The following PRDM16 variants were observed in gnomAD, a reference collection of about 807,000 sequenced individuals.
The protein encoded by PRDM16 is PR/SET domain 16.
A neutral mutation model predicts 110.6 loss-of-function variants in PRDM16; 23 were observed. The ratio of observed to expected loss-of-function variants is 0.21; its 90% CI spans 0.15 to 0.29. PRDM16 has a LOEUF of 0.29. Among genes scored for constraint, PRDM16 ranks in the 10% least tolerant of loss-of-function variants. PRDM16 has a pLI of 1.00. For missense variants in PRDM16, 1,615 were observed against 1,794.3 expected (o/e 0.90, Z 1.81); for synonymous variants, 799 against 781.8 (o/e 1.02, Z -0.37).
intron 1 of PRDM16, among the ~76,000 whole-genome samples, chr1:3,128,226 A>C (rs2100676837): frequency 6.6e-6 from 1 of 152,278 alleles, no homozygotes; most frequent in Admixed American, 6.5e-5. Flanking sequence ...TCTGAGAGGG[A>C]AACAAAGACC....
Position 3,411,653 on chromosome 1 carries a change from A to G in PRDM16, c.1456A>G (p.Asn486Asp). The G allele has an allele frequency of 6.2e-7, 1 of 1,613,460 alleles. No homozygotes were observed. The highest frequency in any genetic ancestry group is 8.5e-7 in the Non-Finnish European group (1 of 1,179,636). Residue 486 changes from asparagine to aspartate, a missense_variant, in exon 9 of 17, where the codon AAC becomes GAC. Physicochemically the swap from Asn to Asp is conservative, Grantham distance 23. Around this residue, in one of 5 missense-constraint regions of PRDM16, gnomAD observed 772 missense variants for 748.3 expected, o/e 1.03. Transcript: ENST00000270722. ...CCTCAATCACGCCAGCCTGGGCTTC[A>G]ACGAGTACTTTCCCTCCAGGCCGCA... ...PSLNHASLGF[N>D]EYFPSRPHPG...
At chr1:3,272,927 T>C (rs1394035902) in intron 3 of PRDM16, among the ~76,000 whole-genome samples, 1 of 152,200 alleles carries the variant, frequency 6.6e-6, no homozygotes, top group African/African-American at 2.4e-5. Context: ...GCCGGACCAC[T>C]CTGAGTCTCG....
At chr1:3,146,400 G>C (rs1569682293) in intron 1 of PRDM16, among the ~76,000 whole-genome samples, 1 of 152,258 alleles carries the variant, frequency 6.6e-6, no homozygotes, top group East Asian at 1.9e-4. Flanking sequence ...TAAAACCATT[G>C]TGCTGCCTTG....
intron 1 of PRDM16, among the ~76,000 whole-genome samples, chr1:3,094,815 C>A (rs1231162757): frequency 6.6e-6 from 1 of 152,148 alleles, no homozygotes; most frequent in Non-Finnish European, 1.5e-5. Context: ...GGAGGTGGGG[C>A]CTTGTCCCTG....
chr1:3,280,558 A>G (rs1360844853), intron 3 of PRDM16, among the ~76,000 whole-genome samples: 4 of 152,150 alleles, frequency 2.6e-5, no homozygotes, highest in African/African-American at 2.4e-5. Context: ...CAGGCCTTCC[A>G]TCGCCTCCCT....
intron 2 of PRDM16, among the ~76,000 whole-genome samples, chr1:3,233,572 C>T (rs536958093): frequency 1.3e-5 from 2 of 152,320 alleles, no homozygotes; most frequent in African/African-American, 2.4e-5. Context: ...TTCTCCCTGC[C>T]CCTGTGAGTG....
intron 3 of PRDM16, among the ~76,000 whole-genome samples, chr1:3,333,669 T>TC (rs1440477443): frequency 3.9e-5 from 6 of 152,038 alleles, no homozygotes; most frequent in African/African-American, 1.5e-4. Flanking sequence ...TGGATGTGCG[T>TC]CCCCTCCAAA....
At chr1:3,184,709 C>T (rs778229546) in intron 1 of PRDM16, among the ~76,000 whole-genome samples, 2 of 152,202 alleles carry the variant, frequency 1.3e-5, no homozygotes, top group Non-Finnish European at 2.9e-5. Context: ...CTGGGCCTCT[C>T]GCTGTCACCC....
At chr1:3,384,293 G>A (rs1195229586) in intron 3 of PRDM16, among the ~76,000 whole-genome samples, 3 of 152,200 alleles carry the variant, frequency 2.0e-5, no homozygotes, top group African/African-American at 4.8e-5. Context: ...GTCTGGGCTG[G>A]GCTGCCCAGG....
intron 3 of PRDM16, among the ~76,000 whole-genome samples, chr1:3,365,572 G>C (rs984126403): frequency 1.3e-5 from 2 of 152,324 alleles, no homozygotes; most frequent in East Asian, 3.9e-4. Flanking sequence ...GGTGCCCCCA[G>C]AGTCAGCCAA....
At chr1:3,379,145 AGCACAC>A (rs1643050691) in intron 3 of PRDM16, among the ~76,000 whole-genome samples, 1 of 24,436 alleles carries the variant, frequency 4.1e-5, no homozygotes, top group African/African-American at 1.3e-4. Flanking sequence ...CACCCCTCCC[AGCACAC>A]CCCTCCCAGC....
chr1:3,094,252 G>A (rs1642341862), intron 1 of PRDM16, among the ~76,000 whole-genome samples: 1 of 152,242 alleles, frequency 6.6e-6, no homozygotes, highest in African/African-American at 2.4e-5. Flanking sequence ...CAGGCAGCAG[G>A]CACCCGCCAT....
At chr1:3,084,837 C>G (rs982596142) in intron 1 of PRDM16, among the ~76,000 whole-genome samples, 2 of 152,142 alleles carry the variant, frequency 1.3e-5, no homozygotes, top group Non-Finnish European at 1.5e-5. Context: ...GGGGGGCAGG[C>G]CAGGGAAGTG....
At position 3,402,954 on chromosome 1, in the gene PRDM16, C is replaced by T. The variant is rs369007926; in HGVS notation, c.840C>T (p.Ala280=). 7 of 1,612,388 alleles carry T rather than the reference C, an allele frequency of 4.3e-6. No individual in the cohort carries two copies. The African/African-American group carries it at 9.4e-5, about 22-fold the overall frequency. The change falls in exon 6 of 17, where the codon GCC becomes GCT. Residue 280 remains alanine, a synonymous_variant. Transcript: ENST00000270722. ...GCCTTGGCGGTGGCAGCGGCCAAGCCCACGAGTGCAAGGACTGCGAGCGGA... is the reference window on the plus strand; with the variant it reads ...GCCTTGGCGGTGGCAGCGGCCAAGCTCACGAGTGCAAGGACTGCGAGCGGA... ...PEGLGGGSGQ[A]HECKDCERMF...
At position 3,175,572 on chromosome 1, in the gene PRDM16, T is replaced by C. The variant is rs61759168; in HGVS notation, c.38-10553T>C. ...CTACACAGCACTCCTCCCTGCTTGGTTCTGAGAAGGAAAAGAGGAGCCAGA... is the reference window on the plus strand; with the variant it reads ...CTACACAGCACTCCTCCCTGCTTGGCTCTGAGAAGGAAAAGAGGAGCCAGA... On this transcript the variant is annotated intron_variant, in intron 1 of 16. Transcript: ENST00000270722. This position sits in a 1 kb window ranked among gnomAD's most constrained non-coding sequence, Gnocchi z 4.8. Among the ~76,000 whole-genome samples the C allele has an allele frequency of 0.047, 7,129 of 152,064 alleles. 236 individuals carry two copies. The highest frequency in any genetic ancestry group is 0.068 in the Non-Finnish European group (4,622 of 67,970).
chr1:3,099,028 C>T (rs55674255), intron 1 of PRDM16, among the ~76,000 whole-genome samples: 8,306 of 152,330 alleles, frequency 0.055, 318 homozygotes, highest in East Asian at 0.074. Context: ...GGGCCACCCA[C>T]TCCATCAAGC....
rs530648671 is a variant in PRDM16 at position 3,175,810 on chromosome 1, G to A, written c.38-10315G>A. ...CCCAGACGTTCCTCTCAGATGAGCCGATCAGGGTCAAGGGCAGAGAGGAGC... is the reference window on the plus strand; with the variant it reads ...CCCAGACGTTCCTCTCAGATGAGCCAATCAGGGTCAAGGGCAGAGAGGAGC... On this transcript the variant is annotated intron_variant, in intron 1 of 16. Transcript: ENST00000270722. The surrounding 1 kb of genome is among the most constrained non-coding windows in gnomAD (Gnocchi z 4.8). 6.6e-5 allele frequency among the ~76,000 whole-genome samples: 10 copies of A among 152,250 alleles called. No homozygotes were observed. In the East Asian group the frequency reaches 1.9e-3, roughly 29 times the overall value.
intron 1 of PRDM16, among the ~76,000 whole-genome samples, chr1:3,138,114 C>T (rs978514041): frequency 3.9e-5 from 6 of 152,202 alleles, no homozygotes; most frequent in South Asian, 2.1e-4. Flanking sequence ...TCTTGGGACA[C>T]GAAAGCAGGG....
intron 3 of PRDM16, among the ~76,000 whole-genome samples, chr1:3,295,969 A>G (rs1229826721): frequency 6.6e-6 from 1 of 152,082 alleles, no homozygotes; most frequent in African/African-American, 2.4e-5. Context: ...GAGCTTGTGC[A>G]GTGGAATGTT....
Sources: gnomAD v4.1 joint callset for allele counts (sites outside exome capture counted in the v4.1 genomes callset) on GRCh38, gnomAD v4.1.1 for gene constraint, gnomAD v4.1.1 regional missense constraint, Gnocchi (gnomAD v3.1) non-coding constraint, MANE v1.5 for transcripts, NCBI Gene and HGNC (gene_info 2026-07-23, HGNC 2026-07-21) for gene names.